The following MXRA5 variants were observed in gnomAD, a reference collection of about 807,000 sequenced individuals.
MXRA5 encodes the protein matrix-remodeling-associated protein 5.
A neutral mutation model predicts 112.5 loss-of-function variants in MXRA5; 41 were observed. That is an observed-to-expected ratio of 0.36 (90% CI 0.28 to 0.47). The LOEUF (loss-of-function observed/expected upper bound fraction) is 0.47, where lower values mean the gene tolerates loss of function less well. MXRA5 is among the 20% of genes least tolerant of loss of function. The pLI, the probability that MXRA5 is intolerant of heterozygous loss-of-function variation, is 0.99. For missense variants in MXRA5, 2,150 were observed against 2,251.0 expected, an observed-to-expected ratio of 0.96 and a Z score of 0.91; for synonymous variants, 862 against 900.8, an observed-to-expected ratio of 0.96 and a Z score of 0.77.
At chrX:3,340,067 A>C (rs1362808976) in intron 2 of MXRA5, among the ~76,000 whole-genome samples, 1 of 105,932 alleles carries the variant, frequency 9.4e-6, no homozygotes, top group African/African-American at 3.9e-5. Flanking sequence ...AAAAATACTT[A>C]AGAGTCTGTA....
chrX:3,309,678 G>A lies in MXRA5; in HGVS notation c.*38C>T. The A allele has an allele frequency of 8.7e-7, 1 of 1,154,456 alleles. No individual in the cohort carries two copies. Among genetic ancestry groups the A allele is most frequent in the African/African-American group, 1.8e-5 (1 of 56,607 alleles). ...TGGCTTCCCTTACAAACCCCGCTTT[G>A]TTGTCAGTTCCTAAGCAATCATTCT... is the stretch of plus-strand genomic sequence containing the variant. On this transcript the variant is annotated 3_prime_UTR_variant, in exon 7 of 7. Transcript: ENST00000217939.
Position 3,330,074 on chromosome X carries a change from G to A in MXRA5, c.653C>T (p.Pro218Leu), listed in dbSNP as rs1304882223. 3.3e-6 allele frequency: 4 copies of A among 1,210,830 alleles called. No individual in the cohort carries two copies. The highest frequency in any genetic ancestry group is 5.9e-5 in the East Asian group (2 of 33,822). Residue 218 changes from proline to leucine, a missense_variant, in exon 4 of 7, where the codon CCG (proline) becomes CTG (leucine). Transcript: ENST00000217939. ...LLENLYLQGN[P>L]WTCDCEMRWF... ...TCTCATCTCACAATCGCAGGTCCAC[G>A]GATTTCCCTGCAAGTAAAGATTCTC... is the stretch of plus-strand genomic sequence containing the variant.
At chrX:3,326,499 CTATA>C (rs1428623623) in intron 4 of MXRA5, among the ~76,000 whole-genome samples, 2 of 102,666 alleles carry the variant, frequency 1.9e-5, no homozygotes, top group Non-Finnish European at 3.9e-5. Context: ...ATCTAGGTAA[CTATA>C]TCTATATTTA....
At chrX:3,318,106 G>T in intron 5 of MXRA5, 103 bp from the exon 6 acceptor site, 1 of 654,283 alleles carries the variant, frequency 1.5e-6, no homozygotes, top group East Asian at 3.6e-5. Flanking sequence ...TAACACCCAG[G>T]CAGCAAAAGC....
chrX:3,319,610 A>G (rs5983118), intron 5 of MXRA5, among the ~76,000 whole-genome samples: 22,791 of 111,373 alleles, frequency 0.2, 2,925 homozygotes, highest in African/African-American at 0.47. Flanking sequence ...CTCTGGTTGA[A>G]GTGTAGATTG....
At position 3,317,692 on chromosome X, in the gene MXRA5, G is replaced by A. The variant is rs755226418; in HGVS notation, c.5989C>T (p.Pro1997Ser). ...TGCAGGGTGATGCGGCCCTCCACGG[G>A]GGACACAGTTTGCCACACCCTCCTG... The part of the protein sequence containing the change: ...PDRRVWQTVS[P>S]VEGRITLHEN... The change falls in exon 6 of 7, where the codon CCC (proline) becomes TCC (serine). Residue 1997 changes from proline to serine, a missense_variant. Physicochemically the swap from Pro to Ser is moderately conservative, Grantham distance 74. Around this residue, in one of 6 missense-constraint regions of MXRA5, gnomAD observed 1,485 missense variants for 1,471.6 expected, o/e 1.01. Coordinates refer to ENST00000217939, the MANE Select transcript of MXRA5 (RefSeq NM_015419.4). 11 of 1,200,612 alleles carry A rather than the reference G, an allele frequency of 9.2e-6. No homozygotes were observed. In the Admixed American group the frequency reaches 1.3e-4, roughly 14 times the overall value.
chrX:3,329,762 A>C (rs763484321), intron 4 of MXRA5, among the ~76,000 whole-genome samples: 3 of 111,091 alleles, frequency 2.7e-5, no homozygotes, highest in Non-Finnish European at 5.7e-5. Context: ...AACCCACATC[A>C]CCTGTATGTA....
chrX:3,327,144 C>T (rs976586289), intron 4 of MXRA5, among the ~76,000 whole-genome samples: 3 of 111,486 alleles, frequency 2.7e-5, no homozygotes, highest in Non-Finnish European at 3.8e-5. Context: ...GGGAAGAAGC[C>T]AGTCATACTG....
intron 2 of MXRA5, among the ~76,000 whole-genome samples, chrX:3,341,179 T>TATTATATATTATAC (rs1921939328): frequency 1.7e-4 from 2 of 11,654 alleles, no homozygotes; most frequent in Non-Finnish European, 5.7e-4. Flanking sequence ...ATACATAATA[T>TATTATATATTATAC]ATATAATATA....
chrX:3,322,759 G>T lies in MXRA5; in HGVS notation c.2926C>A (p.Gln976Lys). The change falls in exon 5 of 7, where the codon CAA becomes AAA. Residue 976 changes from glutamine to lysine, a missense_variant. Gln to Lys is a moderately conservative substitution (Grantham distance 53, BLOSUM62 1). This residue lies in a region of MXRA5 where 1,485 missense variants were observed against 1,471.6 expected (regional missense o/e 1.01). Coordinates refer to ENST00000217939, the MANE Select transcript of MXRA5 (RefSeq NM_015419.4). ...AVSLAESEPM[Q>K]YFDPDLETKS... ...GTCTCCAAATCTGGGTCAAAGTATT[G>T]CATGGGCTCAGACTCAGCCAAGGAG... 8.3e-7 allele frequency: 1 copy of T among 1,211,398 alleles called. No individual in the cohort carries two copies. The highest frequency in any genetic ancestry group is 1.1e-6 in the Non-Finnish European group (1 of 895,352).
chrX:3,337,975 G>A (rs1029463859), intron 2 of MXRA5, among the ~76,000 whole-genome samples: 100 of 111,492 alleles, frequency 9.0e-4, no homozygotes, highest in African/African-American at 3.2e-3. Context: ...TATTTGCCAT[G>A]GGATGTTTGA....
intron 2 of MXRA5, among the ~76,000 whole-genome samples, chrX:3,341,263 G>T (rs1328552822): frequency 3.4e-4 from 13 of 37,972 alleles, no homozygotes; most frequent in East Asian, 7.7e-4. Context: ...ATATATAATA[G>T]AATTATATAT....
chrX:3,344,157 CGAGAGA>C lies in MXRA5; in HGVS notation c.-28-302_-28-297del, dbSNP rs377198782. Among the ~76,000 whole-genome samples, 184 of 96,285 alleles carry C rather than the reference CGAGAGA, an allele frequency of 1.9e-3. 1 individual carries two copies. In the South Asian group the frequency reaches 0.028, roughly 15 times the overall value. The allele number at this position is 96,285 out of a possible 115,157, so 83.6% of individuals were successfully genotyped here. A position where few individuals can be genotyped will look rare whatever the true frequency, so the allele number is the denominator to read the frequency against. On this transcript the variant is annotated intron_variant, in intron 1 of 6. Transcript: ENST00000217939. ...ATTGCGGCTATGAAACAGAGAGAGA[CGAGAGA>C]GAGAGAGAGAGAGAGAGAGAGAAGA...
chrX:3,322,594 G>C lies in MXRA5; in HGVS notation c.3091C>G (p.Gln1031Glu). 8.3e-7 allele frequency: 1 copy of C among 1,211,672 alleles called. No individual in the cohort carries two copies. Among genetic ancestry groups the C allele is most frequent in the Non-Finnish European group, 1.1e-6 (1 of 895,473 alleles). Residue 1031 changes from glutamine (Q) to glutamate (E), a missense_variant, in exon 5 of 7, where the codon CAA (glutamine) becomes GAA (glutamate). Physicochemically the swap from Gln to Glu is conservative, Grantham distance 29. Coordinates refer to ENST00000217939, the MANE Select transcript of MXRA5 (RefSeq NM_015419.4). ...STIGEPGVPG[Q>E]SHLQGLTDNI... ...TCTGTCAGTCCTTGTAGATGTGATT[G>C]GCCTGGGACACCTGGTTCCCCTATA...
Position 3,317,534 on chromosome X carries a change from G to T in MXRA5, c.6147C>A (p.Ile2049=). 8.3e-7 allele frequency: 1 copy of T among 1,206,707 alleles called. No homozygotes were observed. Among genetic ancestry groups the T allele is most frequent in the Non-Finnish European group, 1.1e-6 (1 of 893,362 alleles). ...AGATGTTCTCCAGCTTCTCCTGGTGGATAACGGGGGGCAGTGCCGCCACGT... is the reference window on the plus strand; with the variant it reads ...AGATGTTCTCCAGCTTCTCCTGGTGTATAACGGGGGGCAGTGCCGCCACGT... ...RLHVAALPPV[I]HQEKLENISL... The change falls in exon 6 of 7, where the codon ATC becomes ATA. Residue 2049 remains isoleucine, a synonymous_variant. Transcript: ENST00000217939.
At chrX:3,331,858 G>A (rs1316247173) in intron 2 of MXRA5, among the ~76,000 whole-genome samples, 1 of 112,112 alleles carries the variant, frequency 8.9e-6, no homozygotes, top group Non-Finnish European at 1.9e-5. Context: ...ATTTGAAAAA[G>A]GAATAGAGAA....
chrX:3,334,893 C>T (rs1921748414), intron 2 of MXRA5, among the ~76,000 whole-genome samples: 1 of 111,513 alleles, frequency 9.0e-6, no homozygotes, highest in Non-Finnish European at 1.9e-5. Context: ...TATGTTTCAA[C>T]TCACTAAATA....
intron 6 of MXRA5, among the ~76,000 whole-genome samples, chrX:3,316,174 C>T (rs868619718): frequency 0.022 from 2,015 of 89,595 alleles, 118 homozygotes; most frequent in African/African-American, 0.09. Context: ...ATTAGCCAGG[C>T]GTGGTGGCGG....
At position 3,323,843 on chromosome X, in the gene MXRA5, T is replaced by A. The variant is rs1311165511; in HGVS notation, c.1842A>T (p.Pro614=). 8.3e-7 allele frequency: 1 copy of A among 1,209,584 alleles called. No individual in the cohort carries two copies. The highest frequency in any genetic ancestry group is 1.1e-6 in the Non-Finnish European group (1 of 894,793). Residue 614 remains proline, a synonymous_variant, in exon 5 of 7, where the codon CCA becomes CCT. Transcript: ENST00000217939. ...CCAAATCATTAATTATCCTTCTGTT[T>A]GGAAGAATCCAGCTAAGGTGGGCTT... ...IPEAHLSWIL[P]NRRIINDLAN... is the part of the protein sequence containing the mutation.
Sources: allele counts gnomAD v4.1 joint callset (sites outside exome capture counted in the v4.1 genomes callset), GRCh38; gene constraint gnomAD v4.1.1; regional missense constraint gnomAD v4.1.1; transcripts MANE v1.5; gene names NCBI Gene and HGNC (gene_info 2026-07-23, HGNC 2026-07-21).